The following ZFHX3 variants were observed in gnomAD, a reference collection of about 807,000 sequenced individuals.
The protein encoded by ZFHX3 is zinc finger homeobox protein 3.
A neutral mutation model predicts 279.1 loss-of-function variants in ZFHX3; 42 were observed. The ratio of observed to expected loss-of-function variants is 0.15; its 90% CI spans 0.12 to 0.19. The LOEUF is 0.19. ZFHX3 is among the 10% of genes least tolerant of loss of function. The pLI, the probability that ZFHX3 is intolerant of heterozygous loss-of-function variation, is 1.00. For synonymous variants in ZFHX3, 2,293 were observed against 1,957.8 expected (o/e 1.17, Z -4.52); for missense variants, 4,981 against 4,754.0 (o/e 1.05, Z -1.40).
At chr16:73,691,890 T>A (rs1192051781) in intron 1 of ZFHX3, among the ~76,000 whole-genome samples, 1 of 152,238 alleles carries the variant, frequency 6.6e-6, no homozygotes, top group African/African-American at 2.4e-5. Context: ...ACCTCCTCTA[T>A]GCGAAAGATC....
rs568112869 is a variant in ZFHX3, at chr16:72,788,688, G to C, written c.9588C>G (p.Pro3196=). ...GTTGCTGCTGCTGCTGCTGCTGCTG[G>C]GGGGGTTGCTGAGGGCCCATCGCCA... ...ATMAMGPQQP[P]QQQQQQQQPQ... is the part of the protein sequence containing the mutation. The change falls in exon 10 of 10, where the codon CCC becomes CCG. Residue 3196 remains proline, a synonymous_variant. Transcript: ENST00000268489. 1.4e-5 allele frequency: 23 copies of C among 1,611,358 alleles called. 1 individual carries two copies. Among genetic ancestry groups the C allele is most frequent in the Admixed American group, 1.0e-4 (6 of 59,670 alleles).
chr16:73,489,028 G>C lies in ZFHX3; in HGVS notation c.-1546-32770C>G, dbSNP rs59756408. 1.2e-3 allele frequency among the ~76,000 whole-genome samples: 184 copies of C among 152,220 alleles called. 1 individual carries two copies. Among genetic ancestry groups the C allele is most frequent in the African/African-American group, 4.2e-3 (174 of 41,540 alleles). The stretch of plus-strand genomic sequence containing the variant: ...ATCAGATACATAGCAAACTCTTAAA[G>C]TTGCTATGATTATTTTCGATAGCTA... On this transcript the variant is annotated intron_variant, in intron 2 of 17. Transcript: ENST00000641206.
intron 4 of ZFHX3, among the ~76,000 whole-genome samples, chr16:72,864,084 G>C (rs1256195139): frequency 1.3e-5 from 2 of 151,994 alleles, no homozygotes; most frequent in Non-Finnish European, 2.9e-5. Context: ...GCCACTTGCA[G>C]TCCGGCCTGG....
chr16:72,952,499 C>T (rs1197650496), intron 2 of ZFHX3, among the ~76,000 whole-genome samples: 2 of 152,176 alleles, frequency 1.3e-5, no homozygotes, highest in African/African-American at 4.8e-5. Flanking sequence ...CACCACCTCC[C>T]TAGGACAGGG....
At chr16:73,067,358 A>T (rs1248379757) in intron 8 of ZFHX3, among the ~76,000 whole-genome samples, 1 of 152,180 alleles carries the variant, frequency 6.6e-6, no homozygotes, top group Non-Finnish European at 1.5e-5. Context: ...CAACTGGAAC[A>T]GTGGTGCGCG....
intron 9 of ZFHX3, chr16:72,791,246 A>G (rs1158602229): frequency 6.6e-6 from 1 of 152,246 alleles, no homozygotes; most frequent in African/African-American, 2.4e-5. Flanking sequence ...AAAGCTTAGC[A>G]TTGGGCCTGA....
At position 72,797,880 on chromosome 16, in the gene ZFHX3, C is replaced by T; in HGVS notation, c.4802G>A (p.Cys1601Tyr). 6.2e-7 allele frequency: 1 copy of T among 1,614,184 alleles called. No homozygotes were observed. Among genetic ancestry groups the T allele is most frequent in the Non-Finnish European group, 8.5e-7 (1 of 1,180,042 alleles). Reference protein sequence around the residue: ...PDNKPFKCNTCNVAYSQSSTL... With the variant: ...PDNKPFKCNTYNVAYSQSSTL... ...GGAACTCTGGCTGTAGGCCACATTA[C>T]AAGTGTTACACTTAAAAGGTTTGTT... The change falls in exon 9 of 10, where the codon TGT (cysteine) becomes TAT (tyrosine). Residue 1601 changes from cysteine to tyrosine, a missense_variant. Cys to Tyr is a radical substitution (Grantham distance 194). Transcript: ENST00000268489.
At chr16:73,290,754 G>C (rs1379939999) in intron 4 of ZFHX3, among the ~76,000 whole-genome samples, 1 of 148,918 alleles carries the variant, frequency 6.7e-6, no homozygotes, top group African/African-American at 2.5e-5. Context: ...AGCCACTAAG[G>C]TGCTTCGCAG....
At chr16:73,527,095 C>T (rs1358875058) in intron 2 of ZFHX3, among the ~76,000 whole-genome samples, 1 of 152,126 alleles carries the variant, frequency 6.6e-6, no homozygotes, top group African/African-American at 2.4e-5. Flanking sequence ...GATCACTGAT[C>T]CCATTGGAAA....
At chr16:73,520,451 T>C (rs563125215) in intron 2 of ZFHX3, among the ~76,000 whole-genome samples, 1 of 152,364 alleles carries the variant, frequency 6.6e-6, no homozygotes, top group African/African-American at 2.4e-5. Context: ...GAGGAATTTT[T>C]AGAAAAATTA....
chr16:72,940,200 G>A (rs1383769110), intron 3 of ZFHX3, among the ~76,000 whole-genome samples: 1 of 152,116 alleles, frequency 6.6e-6, no homozygotes, highest in Admixed American at 6.5e-5. Context: ...GTGAGCCATG[G>A]CCCCAAACAA....
chr16:72,968,545 C>A (rs1961955018), intron 1 of ZFHX3, among the ~76,000 whole-genome samples: 1 of 150,386 alleles, frequency 6.6e-6, no homozygotes. Context: ...ACTACAACCT[C>A]TGTCGCCCAG....
chr16:73,428,219 C>T (rs60139703), intron 3 of ZFHX3, among the ~76,000 whole-genome samples: 3,000 of 152,240 alleles, frequency 0.02, 87 homozygotes, highest in African/African-American at 0.067. Flanking sequence ...TTCCCCTTCC[C>T]CAGTGACCCC....
At chr16:73,554,026 A>C (rs147030235) in intron 2 of ZFHX3, among the ~76,000 whole-genome samples, 5 of 152,332 alleles carry the variant, frequency 3.3e-5, no homozygotes, top group South Asian at 2.1e-4. Flanking sequence ...GTCACAGTAC[A>C]AGGGGGGAAA....
In ZFHX3 at chr16:73,082,045, C is replaced by T. The variant is rs921424657; in HGVS notation, c.-533+11190G>A. ...AGAGACGGGGTTTCACCATGTTGGC[C>T]GGGCTGTTCTTGAATTCCTGACCTC... On this transcript the variant is annotated intron_variant, in intron 8 of 17. Transcript: ENST00000641206. Among the ~76,000 whole-genome samples, 6 of 151,996 alleles carry T rather than the reference C, an allele frequency of 3.9e-5. No individual in the cohort carries two copies. The East Asian group carries it at 5.8e-4, about 15-fold the overall frequency.
At chr16:73,321,892 T>C (rs2015582316) in intron 3 of ZFHX3, among the ~76,000 whole-genome samples, 1 of 152,218 alleles carries the variant, frequency 6.6e-6, no homozygotes, top group Non-Finnish European at 1.5e-5. Flanking sequence ...GGAAACCTTC[T>C]GGTGCCTATC....
chr16:72,787,713 G>GCCGCCGCCGCCA lies in ZFHX3; in HGVS notation c.10562_10563insTGGCGGCGGCGG (p.Gly3524_Gly3527dup), dbSNP rs1555515320. ...GGTACGAGCCGCCGCCGCCGCCGCC[G>GCCGCCGCCGCCA]CCGCCACCGCCGCCGCCGCCGCCAC... is the stretch of plus-strand genomic sequence containing the variant. On this transcript the variant is annotated inframe_insertion, in exon 10 of 10. Coordinates refer to ENST00000268489, the MANE Select transcript of ZFHX3 (RefSeq NM_006885.4). 1 of 1,385,138 alleles carries GCCGCCGCCGCCA rather than the reference G, an allele frequency of 7.2e-7. No homozygotes were observed. The highest frequency in any genetic ancestry group is 9.4e-7 in the Non-Finnish European group (1 of 1,062,454). The allele number at this position is 1,385,138 out of a possible 1,614,324, so 85.8% of individuals were successfully genotyped here. A position where few individuals can be genotyped will look rare whatever the true frequency, so the allele number is the denominator to read the frequency against.
intron 7 of ZFHX3, 85 bp from the exon 8 acceptor site, chr16:72,800,214 T>C: frequency 8.5e-7 from 1 of 1,174,492 alleles, no homozygotes. Flanking sequence ...ATAAGCAAAA[T>C]TAGCCTTCAC....
At chr16:73,880,341 A>C (rs1455478199) in intron 1 of ZFHX3, among the ~76,000 whole-genome samples, 2 of 151,658 alleles carry the variant, frequency 1.3e-5, no homozygotes, top group Non-Finnish European at 2.9e-5. Context: ...TTCAAAGGCA[A>C]ATAATAAACT....
Sources: allele counts gnomAD v4.1 joint callset (sites outside exome capture counted in the v4.1 genomes callset), GRCh38; gene constraint gnomAD v4.1.1; transcripts MANE v1.5; gene names NCBI Gene and HGNC (gene_info 2026-07-23, HGNC 2026-07-21).